SYNJ2: variants seen among roughly 807,000 people sequenced by gnomAD.
SYNJ2 encodes the protein polyphosphatidylinositol phosphatase SYNJ2.
SYNJ2 carries 116 observed loss-of-function variants against 141.3 expected under a neutral mutation model. The observed-to-expected ratio is 0.82, with a 90% confidence interval of 0.71 to 0.96. SYNJ2 has a LOEUF of 0.96. SYNJ2 is among the 40% of genes least tolerant of loss of function. The probability of loss-of-function intolerance (pLI) is 0.00; values close to 1 mark genes in which losing one functional copy is unlikely to be tolerated. For missense variants in SYNJ2, 1,873 were observed against 1,934.8 expected (o/e 0.97, Z 0.60); for synonymous variants, 745 against 777.7 (o/e 0.96, Z 0.70).
At chr6:157,987,549 G>A (rs1477540349) in intron 1 of SYNJ2, among the ~76,000 whole-genome samples, 4 of 151,904 alleles carry the variant, frequency 2.6e-5, no homozygotes, top group Admixed American at 1.3e-4. Context: ...CTACAGGCGC[G>A]TGCCATCACG....
chr6:158,006,933 C>T (rs1937864638), intron 1 of SYNJ2, among the ~76,000 whole-genome samples: 1 of 151,950 alleles, frequency 6.6e-6, no homozygotes, highest in Non-Finnish European at 1.5e-5. Context: ...CTCAGCCTCC[C>T]AAAGTGCTGG....
At chr6:158,094,393 G>GAAA (rs1783667786) in intron 26 of SYNJ2, among the ~76,000 whole-genome samples, 1 of 78,004 alleles carries the variant, frequency 1.3e-5, no homozygotes, top group African/African-American at 5.7e-5. Context: ...CTACGGCTGG[G>GAAA]CAAAAAAAAA....
chr6:158,051,152 G>A (rs764654601), intron 5 of SYNJ2, among the ~76,000 whole-genome samples: 4 of 152,134 alleles, frequency 2.6e-5, no homozygotes, highest in Non-Finnish European at 5.9e-5. Flanking sequence ...TTGTCACGAC[G>A]GAGAGCCAGG....
At chr6:158,031,910 A>G (rs138442894) in intron 3 of SYNJ2, among the ~76,000 whole-genome samples, 1 of 152,310 alleles carries the variant, frequency 6.6e-6, no homozygotes, top group East Asian at 1.9e-4. Context: ...TAGTGGCCAT[A>G]GCTGTGTAGC....
At chr6:158,088,980 A>T (rs1783261829) in intron 24 of SYNJ2, among the ~76,000 whole-genome samples, 1 of 152,124 alleles carries the variant, frequency 6.6e-6, no homozygotes, top group Non-Finnish European at 1.5e-5. Context: ...ATCACTTTTG[A>T]TGAAAAATCC....
chr6:158,095,048 C>A (rs1168738643), intron 26 of SYNJ2, among the ~76,000 whole-genome samples: 1 of 151,696 alleles, frequency 6.6e-6, no homozygotes, highest in Admixed American at 6.6e-5. Context: ...ACTCGGGAGG[C>A]TGAAGCAGGA....
intron 18 of SYNJ2, chr6:158,078,725 A>G (rs1782481937): frequency 6.5e-6 from 1 of 152,688 alleles, no homozygotes; most frequent in African/African-American, 2.4e-5. Context: ...CTCTTGATGA[A>G]TATTTTCTCC....
intron 2 of SYNJ2, among the ~76,000 whole-genome samples, chr6:158,026,645 G>C (rs1385462003): frequency 6.6e-6 from 1 of 152,194 alleles, no homozygotes; most frequent in African/African-American, 2.4e-5. Context: ...ACCTGGGACT[G>C]TTGCCAGGCA....
In SYNJ2 at chr6:157,996,072, A is replaced by G. The variant is rs537567716; in HGVS notation, c.127+13984A>G. 2.2e-3 allele frequency among the ~76,000 whole-genome samples: 332 copies of G among 152,324 alleles called. 1 individual carries two copies. Among genetic ancestry groups the G allele is most frequent in the African/African-American group, 7.3e-3 (304 of 41,570 alleles). On this transcript the variant is annotated intron_variant, in intron 1 of 26. Transcript: ENST00000355585. ...GAGTAAATCCAATTAAATTCCAACAAGAGCCTGGTCTAAAATGTAACAGGC... is the reference window on the plus strand; with the variant it reads ...GAGTAAATCCAATTAAATTCCAACAGGAGCCTGGTCTAAAATGTAACAGGC...
At chr6:158,021,131 C>A (rs1778746551) in intron 2 of SYNJ2, among the ~76,000 whole-genome samples, 2 of 152,128 alleles carry the variant, frequency 1.3e-5, no homozygotes, top group South Asian at 4.1e-4. Flanking sequence ...TCTCTTGAAC[C>A]CAAGCTCTCA....
chr6:158,049,754 G>A (rs1193952904), intron 5 of SYNJ2, among the ~76,000 whole-genome samples: 4 of 151,852 alleles, frequency 2.6e-5, no homozygotes, highest in East Asian at 1.9e-4. Flanking sequence ...GTGGGGACAC[G>A]GCTCTGCAGG....
Position 158,095,779 on chromosome 6 carries a change from C to T in SYNJ2, c.3906C>T (p.Ser1302=), listed in dbSNP as rs758302540. The T allele has an allele frequency of 1.2e-6, 2 of 1,614,184 alleles. No individual in the cohort carries two copies. Among genetic ancestry groups the T allele is most frequent in the Non-Finnish European group, 1.7e-6 (2 of 1,180,042 alleles). ...CTGGGAAAGCTGCAGAGAGGCCAAGCCACAGGAAGCCAGCATCAGACGAAG... is the reference window on the plus strand; with the variant it reads ...CTGGGAAAGCTGCAGAGAGGCCAAGTCACAGGAAGCCAGCATCAGACGAAG... ...FQPGKAAERP[S]HRKPASDEAP... is the part of the protein sequence containing the mutation. The change falls in exon 27 of 27, where the codon AGC becomes AGT. Residue 1302 remains serine, a synonymous_variant. Transcript: ENST00000355585.
intron 20 of SYNJ2, 64 bp from the exon 21 acceptor site, chr6:158,083,365 T>G (rs1241434146): frequency 6.4e-7 from 1 of 1,570,256 alleles, no homozygotes; most frequent in East Asian, 2.3e-5. Context: ...TGAGAAGCAT[T>G]GTGTGATCAA....
Position 158,064,595 on chromosome 6 carries a change from C to T in SYNJ2, c.1210-6C>T, listed in dbSNP as rs1458334441. The T allele has an allele frequency of 1.2e-6, 2 of 1,613,360 alleles. No homozygotes were observed. The highest frequency in any genetic ancestry group is 2.7e-5 in the African/African-American group (2 of 75,044). Reference sequence around the variant, plus strand: ...CCAGTGACAGCCATCCCTTATTCCTCCCCAGGTCCTGCATCTGCAGCTCAA... The same window carrying T: ...CCAGTGACAGCCATCCCTTATTCCTTCCCAGGTCCTGCATCTGCAGCTCAA... On this transcript the variant is annotated splice_polypyrimidine_tract_variant and splice_region_variant and intron_variant, in intron 9 of 26. Transcript: ENST00000355585.
intron 1 of SYNJ2, among the ~76,000 whole-genome samples, chr6:157,988,204 G>A (rs1384407339): frequency 6.6e-6 from 1 of 152,230 alleles, no homozygotes; most frequent in Non-Finnish European, 1.5e-5. Flanking sequence ...CAGGTGGAAC[G>A]GGACACACAC....
intron 6 of SYNJ2, among the ~76,000 whole-genome samples, chr6:158,058,333 A>G (rs1450865018): frequency 1.3e-5 from 2 of 152,206 alleles, no homozygotes; most frequent in Non-Finnish European, 2.9e-5. Context: ...ACATTTCAAC[A>G]TGTTTAAATT....
At chr6:158,052,740 C>T (rs1780638981) in intron 5 of SYNJ2, among the ~76,000 whole-genome samples, 3 of 152,208 alleles carry the variant, frequency 2.0e-5, no homozygotes, top group Admixed American at 6.5e-5. Context: ...CTGGAGGTCA[C>T]GTTTTAACGT....
At position 158,068,729 on chromosome 6, in the gene SYNJ2, G is replaced by GT. The variant is rs767900853; in HGVS notation, c.1799+2dup. 1 of 1,614,114 alleles carries GT rather than the reference G, an allele frequency of 6.2e-7. No homozygotes were observed. The highest frequency in any genetic ancestry group is 1.1e-5 in the South Asian group (1 of 91,080). On this transcript the variant is annotated splice_donor_variant, in intron 13 of 26. Transcript: ENST00000355585. LOFTEE classifies it high-confidence loss of function. ...GCGCAGGGAATATTGTCAATGCCAG[G>GT]TAAGGGGCCAGGTGTGCGGGGCCAG...
At chr6:158,091,806 C>T (rs574736487) in intron 25 of SYNJ2, among the ~76,000 whole-genome samples, 34 of 150,720 alleles carry the variant, frequency 2.3e-4, no homozygotes, top group Non-Finnish European at 4.1e-4. Flanking sequence ...CATGGGTGGA[C>T]CTTGAAGACA....
Sources: allele counts gnomAD v4.1 joint callset (sites outside exome capture counted in the v4.1 genomes callset), GRCh38; gene constraint gnomAD v4.1.1; transcripts MANE v1.5; gene names NCBI Gene and HGNC (gene_info 2026-07-23, HGNC 2026-07-21).